The following ABCG5 variants were observed in gnomAD, a reference collection of about 807,000 sequenced individuals.
ABCG5 encodes ATP-binding cassette sub-family G member 5.
ABCG5 carries 64 observed loss-of-function variants against 64.5 expected under a neutral mutation model. The observed-to-expected ratio is 0.99, with a 90% CI of 0.81 to 1.22. The LOEUF is 1.22. ABCG5 is among the 50% of genes most tolerant of loss of function. The pLI is 0.00. For synonymous variants in ABCG5, 385 were observed against 326.3 expected (o/e 1.18, Z -1.94); for missense variants, 908 against 829.5 (o/e 1.09, Z -1.16).
intron 11 of ABCG5, among the ~76,000 whole-genome samples, chr2:43,817,685 A>G (rs146668193): frequency 0.03 from 4,540 of 151,982 alleles, 177 homozygotes; most frequent in African/African-American, 0.096. Flanking sequence ...CAAGGCAGGC[A>G]GATCACCTGA....
rs1668402609 is a variant in ABCG5 at position 43,838,176 on chromosome 2, T to A, written c.144-221A>T. 4.8e-6 allele frequency: 3 copies of A among 627,320 alleles called. No individual in the cohort carries two copies. In the South Asian group the frequency reaches 5.8e-5, roughly 12 times the overall value. 38.9% of individuals were successfully genotyped at this position (627,320 alleles called of 1,614,324 possible). A position where few individuals can be genotyped will look rare whatever the true frequency, so the allele number is the denominator to read the frequency against. The stretch of plus-strand genomic sequence containing the variant: ...GCCTGTGCTGGAGTTGCTCTGAATG[T>A]CCTGTCCGTTTGGCTGCGAGGTGGC... On this transcript the variant is annotated intron_variant, in intron 1 of 12. Transcript: ENST00000405322. The surrounding 1 kb of genome is among the most constrained non-coding windows in gnomAD (Gnocchi z 4.2).
In ABCG5 at chr2:43,824,921, C is replaced by A. The variant is rs780071302; in HGVS notation, c.872G>T (p.Cys291Phe). Residue 291 changes from cysteine to phenylalanine, a missense_variant, in exon 7 of 13, where the codon TGT (cysteine) becomes TTT (phenylalanine). Cys to Phe is a radical substitution (Grantham distance 205, BLOSUM62 -2). Transcript: ENST00000405322. ...GTCAAAAGGGTTTGAATGTTCAGGA[C>A]AAGGGTAACCGCAGTCATTGAAGAA... ...LDFFNDCGYP[C>F]PEHSNPFDFY... 1.2e-6 allele frequency: 2 copies of A among 1,614,094 alleles called. No individual in the cohort carries two copies. The highest frequency in any genetic ancestry group is 1.7e-6 in the Non-Finnish European group (2 of 1,179,986).
chr2:43,832,218 G>C, intron 2 of ABCG5, 135 bp from the exon 3 acceptor site: 1 of 1,242,898 alleles, frequency 8.0e-7, no homozygotes, highest in Non-Finnish European at 1.1e-6. Context: ...AGGTGTTAAG[G>C]ACACAGCAGG....
At position 43,822,845 on chromosome 2, in the gene ABCG5, AG is replaced by A. The variant is rs750285640; in HGVS notation, c.1414del (p.Leu472SerfsTer9). ...QMMLAYALHV[L>X]PFSVVATMIF... ...CATGGTGGCAACAACGCTGAAGGGG[AG>A]GACGTGCAGTGCATAGGCCAGCATC... On this transcript the variant is annotated frameshift_variant, in exon 10 of 13. Transcript: ENST00000405322. LOFTEE classifies it high-confidence loss of function. 6.2e-7 allele frequency: 1 copy of A among 1,614,114 alleles called. No individual in the cohort carries two copies. Among genetic ancestry groups the A allele is most frequent in the Non-Finnish European group, 8.5e-7 (1 of 1,180,026 alleles).
chr2:43,824,170 A>G, intron 8 of ABCG5, 49 bp downstream of exon 8: 5 of 1,613,880 alleles, frequency 3.1e-6, no homozygotes, highest in Non-Finnish European at 4.2e-6. Context: ...TTATTGGGGG[A>G]TGGCTAAAGA....
chr2:43,817,356 G>A (rs985837581), intron 11 of ABCG5, among the ~76,000 whole-genome samples: 9 of 151,970 alleles, frequency 5.9e-5, no homozygotes, highest in African/African-American at 1.2e-4. Flanking sequence ...GTGGTGGTGC[G>A]CACCTGTAAT....
chr2:43,806,552 C>G, the ABCG5 span, among the ~76,000 whole-genome samples: 1 of 152,128 alleles, frequency 6.6e-6, no homozygotes, highest in African/African-American at 2.4e-5. Flanking sequence ...TTATGTAACC[C>G]TTATTATGTT....
intron 2 of ABCG5, among the ~76,000 whole-genome samples, chr2:43,837,108 T>C (rs1439945426): frequency 3.4e-5 from 5 of 147,960 alleles, no homozygotes; most frequent in African/African-American, 1.0e-4. Flanking sequence ...CTTTTAAATA[T>C]TATTCTCCAG....
chr2:43,810,088 T>C, downstream of ABCG5: 2 of 569,262 alleles, frequency 3.5e-6, no homozygotes, highest in Non-Finnish European at 4.5e-6. Flanking sequence ...AAAGTAAGAG[T>C]ATTTGGTTAC....
intron 4 of ABCG5, among the ~76,000 whole-genome samples, chr2:43,830,738 T>C (rs6761611): frequency 0.092 from 14,071 of 152,224 alleles, 2,183 homozygotes; most frequent in African/African-American, 0.32. Flanking sequence ...CCACCTGTCA[T>C]TGGTTCCCTG....
intron 2 of ABCG5, 131 bp downstream of exon 2, chr2:43,837,703 C>T (rs1668367054): frequency 2.4e-6 from 3 of 1,256,054 alleles, no homozygotes. Context: ...CAGTTCCATT[C>T]ACAGTCAGAT....
intron 11 of ABCG5, 112 bp from the exon 12 acceptor site, chr2:43,814,701 C>A (rs1572740157): frequency 1.6e-6 from 1 of 644,320 alleles, no homozygotes; most frequent in East Asian, 2.8e-5. Context: ...TTTCTATCTC[C>A]TTATTATAAA....
chr2:43,829,057 G>A lies in ABCG5; in HGVS notation c.502-942C>T, dbSNP rs1572782815. Among the ~76,000 whole-genome samples the A allele has an allele frequency of 2.0e-5, 3 of 152,190 alleles. No individual in the cohort carries two copies. The South Asian group carries it at 6.2e-4, about 32-fold the overall frequency. On this transcript the variant is annotated intron_variant, in intron 4 of 12. Transcript: ENST00000405322. ...ACACTTGCTTCAGGAAAATTAACCA[G>A]GAAACAACAGATACTTCATTAAACT... is the stretch of plus-strand genomic sequence containing the variant.
At chr2:43,822,969 T>A (rs897668153) in intron 9 of ABCG5, 34 bp from the exon 10 acceptor site, 24 of 1,611,774 alleles carry the variant, frequency 1.5e-5, no homozygotes, top group Non-Finnish European at 2.0e-5. Context: ...GAACAGTCAG[T>A]CACCACCCAG....
chr2:43,838,922 C>A, upstream of ABCG5: 1 of 1,206,708 alleles, frequency 8.3e-7, no homozygotes, highest in South Asian at 1.4e-5. The surrounding 1 kb of genome is among the most constrained non-coding windows in gnomAD (Gnocchi z 4.2). Context: ...GCAAGGAATG[C>A]TGGGAGAGAC....
chr2:43,831,909 G>A, intron 3 of ABCG5, 38 bp downstream of exon 3: 11 of 1,547,894 alleles, frequency 7.1e-6, no homozygotes, highest in South Asian at 1.2e-5. Flanking sequence ...AGCCCCCGGG[G>A]CGGGCGGGGG....
chr2:43,835,177 CA>C (rs1296674936), intron 2 of ABCG5, among the ~76,000 whole-genome samples: 1 of 151,404 alleles, frequency 6.6e-6, no homozygotes, highest in African/African-American at 2.4e-5. Flanking sequence ...GAAATCAGCC[CA>C]CTCCCCCACC....
intron 10 of ABCG5, among the ~76,000 whole-genome samples, chr2:43,822,301 A>T (rs1438285042): frequency 6.6e-6 from 1 of 152,070 alleles, no homozygotes; most frequent in Non-Finnish European, 1.5e-5. Flanking sequence ...TGAAGTGTTT[A>T]TGACACTTCC....
intron 5 of ABCG5, 125 bp from the exon 6 acceptor site, chr2:43,826,646 TA>T (rs1329202170): frequency 7.8e-6 from 11 of 1,412,156 alleles, no homozygotes; most frequent in African/African-American, 1.4e-5. Flanking sequence ...CGGTGGGAAG[TA>T]AACATGTAAA....
Sources: allele counts gnomAD v4.1 joint callset (sites outside exome capture counted in the v4.1 genomes callset), GRCh38; gene constraint gnomAD v4.1.1; non-coding constraint Gnocchi (gnomAD v3.1); transcripts MANE v1.5; gene names NCBI Gene and HGNC (gene_info 2026-07-23, HGNC 2026-07-21).